Variants in KLF12 observed in about 807,000 individuals in gnomAD.
KLF12 encodes Krueppel-like factor 12.
A neutral mutation model predicts 37.8 loss-of-function variants in KLF12; 9 were observed. That is an observed-to-expected ratio of 0.24 (90% CI 0.14 to 0.42). The LOEUF (loss-of-function observed/expected upper bound fraction) is 0.42, where lower values mean the gene tolerates loss of function less well. Among genes scored for constraint, KLF12 ranks in the 10% least tolerant of loss-of-function variants. The pLI is 1.00. For synonymous variants in KLF12, 208 were observed against 202.1 expected, an observed-to-expected ratio of 1.03 and a Z score of -0.25; for missense variants, 411 against 516.0, an observed-to-expected ratio of 0.80 and a Z score of 1.97.
intron 3 of KLF12, among the ~76,000 whole-genome samples, chr13:73,851,150 G>A (rs1885314312): frequency 6.6e-6 from 1 of 152,172 alleles, no homozygotes; most frequent in Non-Finnish European, 1.5e-5. Context: ...AGAAATGAGA[G>A]AGACAAGCAA....
chr13:73,893,158 T>C (rs978507122), intron 3 of KLF12, among the ~76,000 whole-genome samples: 1 of 152,138 alleles, frequency 6.6e-6, no homozygotes, highest in Non-Finnish European at 1.5e-5. Context: ...TCCGCAATGC[T>C]TTTCCAATTA....
chr13:74,242,008 C>G, the KLF12 span, among the ~76,000 whole-genome samples: 2 of 152,304 alleles, frequency 1.3e-5, no homozygotes, highest in African/African-American at 4.8e-5. Flanking sequence ...ATTAAAAGCT[C>G]TTCTGCCCAC....
intron 2 of KLF12, among the ~76,000 whole-genome samples, chr13:73,990,476 C>T (rs2138240555): frequency 6.6e-6 from 1 of 152,176 alleles, no homozygotes; most frequent in South Asian, 2.1e-4. Flanking sequence ...AGCCATGTCT[C>T]CATATTTCTG....
chr13:74,037,358 T>A (rs1175093563), intron 1 of KLF12, among the ~76,000 whole-genome samples: 1 of 152,100 alleles, frequency 6.6e-6, no homozygotes, highest in African/African-American at 2.4e-5. Context: ...CAGCCTGCAG[T>A]ATGTCGGAAG....
chr13:73,918,303 A>G (rs968325597), intron 3 of KLF12, among the ~76,000 whole-genome samples: 1 of 151,890 alleles, frequency 6.6e-6, no homozygotes, highest in Non-Finnish European at 1.5e-5. Flanking sequence ...TCTTACTCCT[A>G]CTCAAATCTT....
At chr13:73,785,893 C>A (rs1290035277) in intron 5 of KLF12, among the ~76,000 whole-genome samples, 2 of 152,134 alleles carry the variant, frequency 1.3e-5, no homozygotes, top group Non-Finnish European at 2.9e-5. Flanking sequence ...GGGCAGATAG[C>A]GGAAGGCAGC....
At chr13:74,170,052 C>A in the KLF12 span, among the ~76,000 whole-genome samples, 1 of 152,122 alleles carries the variant, frequency 6.6e-6, no homozygotes, top group South Asian at 2.1e-4. Flanking sequence ...CCTTATACAG[C>A]ACATAATTTT....
chr13:73,755,140 C>G (rs147813330), intron 6 of KLF12, among the ~76,000 whole-genome samples: 11 of 152,136 alleles, frequency 7.2e-5, no homozygotes, highest in Non-Finnish European at 1.5e-4. Flanking sequence ...ATAGGTATAC[C>G]CTTTTCTTTC....
intron 2 of KLF12, among the ~76,000 whole-genome samples, chr13:73,991,422 T>C (rs1593811814): frequency 1.3e-5 from 2 of 152,350 alleles, no homozygotes; most frequent in South Asian, 4.1e-4. Context: ...GACTTTGTGA[T>C]GTGAAATCAT....
chr13:73,820,636 A>G (rs1883470427), intron 4 of KLF12, among the ~76,000 whole-genome samples: 1 of 152,260 alleles, frequency 6.6e-6, no homozygotes, highest in Non-Finnish European at 1.5e-5. Flanking sequence ...TCAATCAGTT[A>G]TGTAAATCTT....
the KLF12 span, among the ~76,000 whole-genome samples, chr13:74,165,043 G>A: frequency 6.6e-6 from 1 of 152,086 alleles, no homozygotes; most frequent in African/African-American, 2.4e-5. Flanking sequence ...GAAAATAACT[G>A]AGGATAACTA....
At chr13:74,195,366 A>G in the KLF12 span, among the ~76,000 whole-genome samples, 1 of 152,168 alleles carries the variant, frequency 6.6e-6, no homozygotes, top group Admixed American at 6.6e-5. Context: ...GCGAACTGCA[A>G]GTCCACACTG....
chr13:74,035,674 T>C (rs111395845), intron 1 of KLF12, among the ~76,000 whole-genome samples: 5 of 152,168 alleles, frequency 3.3e-5, no homozygotes, highest in Non-Finnish European at 7.4e-5. Flanking sequence ...TAAAAATTCA[T>C]TTCTGAGGGG....
intron 1 of KLF12, among the ~76,000 whole-genome samples, chr13:74,080,879 A>G (rs1426583344): frequency 6.6e-6 from 1 of 152,218 alleles, no homozygotes; most frequent in African/African-American, 2.4e-5. Flanking sequence ...GAAAGAGACA[A>G]AGGAAGCCCT....
chr13:74,089,941 G>A (rs1875556444), intron 1 of KLF12, among the ~76,000 whole-genome samples: 1 of 151,742 alleles, frequency 6.6e-6, no homozygotes, highest in African/African-American at 2.4e-5. Flanking sequence ...AGAAGTTCTA[G>A]CCAGGATAGT....
the KLF12 span, among the ~76,000 whole-genome samples, chr13:74,176,628 T>G: frequency 5.3e-5 from 8 of 152,190 alleles, no homozygotes; most frequent in Admixed American, 1.3e-4. Flanking sequence ...TCCACTGCAC[T>G]GATTTTTTGT....
intron 3 of KLF12, among the ~76,000 whole-genome samples, chr13:73,883,433 G>A (rs1887073594): frequency 6.6e-6 from 1 of 152,144 alleles, no homozygotes; most frequent in Non-Finnish European, 1.5e-5. Flanking sequence ...TCCAATCAAG[G>A]TAGCACGTGG....
chr13:74,007,689 C>T (rs956501312), intron 1 of KLF12, among the ~76,000 whole-genome samples: 2 of 152,006 alleles, frequency 1.3e-5, no homozygotes, highest in Non-Finnish European at 2.9e-5. Flanking sequence ...TGTTATTATT[C>T]GTGGAAAACA....
chr13:74,269,789 G>T, the KLF12 span, among the ~76,000 whole-genome samples: 1 of 152,172 alleles, frequency 6.6e-6, no homozygotes, highest in Non-Finnish European at 1.5e-5. Context: ...TTTCTCATGA[G>T]CTAGTGTGTG....
Sources: allele counts gnomAD v4.1 joint callset (sites outside exome capture counted in the v4.1 genomes callset), GRCh38; gene constraint gnomAD v4.1.1; transcripts MANE v1.5; gene names NCBI Gene and HGNC (gene_info 2026-07-23, HGNC 2026-07-21).